APMAP: variants seen among roughly 807,000 people sequenced by gnomAD.
APMAP encodes adipocyte plasma membrane associated protein.
A neutral mutation model predicts 43.6 loss-of-function variants in APMAP; 33 were observed. That is an observed-to-expected ratio of 0.76 (90% CI 0.57 to 1.01). The LOEUF (loss-of-function observed/expected upper bound fraction) is 1.01. Ranked by LOEUF, APMAP falls within the 50% of genes least tolerant of loss-of-function variation. The pLI is 0.00. For missense variants in APMAP, 498 were observed against 540.7 expected (o/e 0.92, Z 0.78); for synonymous variants, 224 against 216.7 (o/e 1.03, Z -0.30).
chr20:24,975,551 T>C (rs999214945), intron 3 of APMAP, among the ~76,000 whole-genome samples: 1 of 152,330 alleles, frequency 6.6e-6, no homozygotes, highest in Non-Finnish European at 1.5e-5. Flanking sequence ...AGATATTCCA[T>C]GTTCATGGAC....
intron 2 of APMAP, among the ~76,000 whole-genome samples, chr20:24,981,977 A>G (rs189525083): frequency 9.4e-4 from 143 of 152,336 alleles, no homozygotes; most frequent in African/African-American, 3.2e-3. Flanking sequence ...ACGTTCTTGC[A>G]TGAGACACAC....
At chr20:24,966,988 G>A (rs1332670731) in intron 8 of APMAP, among the ~76,000 whole-genome samples, 8 of 151,994 alleles carry the variant, frequency 5.3e-5, no homozygotes, top group African/African-American at 1.2e-4. Context: ...ATACTGCCTC[G>A]AAATTAAAAA....
intron 7 of APMAP, 43 bp downstream of exon 7, chr20:24,969,483 C>A (rs1210782137): frequency 1.3e-6 from 2 of 1,559,896 alleles, no homozygotes; most frequent in South Asian, 2.3e-5. Context: ...GGCCATGATG[C>A]GCTCTGGCCA....
chr20:24,979,744 A>G (rs1010980206), intron 2 of APMAP, among the ~76,000 whole-genome samples: 2 of 151,968 alleles, frequency 1.3e-5, no homozygotes, highest in Non-Finnish European at 2.9e-5. Context: ...CCTCTCACCT[A>G]GAGCCAAGTC....
intron 2 of APMAP, 24 bp from the exon 3 acceptor site, chr20:24,978,906 G>T: frequency 6.4e-7 from 1 of 1,566,242 alleles, no homozygotes; most frequent in Non-Finnish European, 8.8e-7. Flanking sequence ...CAATTCCAGA[G>T]ATCTGTCTAT....
chr20:24,971,439 A>G, intron 5 of APMAP, 21 bp downstream of exon 5: 1 of 1,593,106 alleles, frequency 6.3e-7, no homozygotes, highest in Non-Finnish European at 8.6e-7. Context: ...TCATAGAAGG[A>G]AACGAGATAT....
In APMAP at chr20:24,969,563, CAA is replaced by C. The variant is rs1332383513; in HGVS notation, c.809_810del (p.Phe270CysfsTer25). 8.7e-6 allele frequency: 14 copies of C among 1,613,828 alleles called. No individual in the cohort carries two copies. The highest frequency in any genetic ancestry group is 1.2e-5 in the Non-Finnish European group (14 of 1,179,882). Reference protein sequence around the residue: ...NGVQLSPAEDFVLVAETTMAR... With the variant: ...NGVQLSPAEDXVLVAETTMAR... ...GCCATGGTTGTTTCTGCCACCAGGA[CAA>C]AGTCTTCTGCAGGAGACAGCTGGAC... On this transcript the variant is annotated frameshift_variant, in exon 7 of 9. Transcript: ENST00000217456. LOFTEE classifies it high-confidence loss of function.
chr20:24,981,294 G>A (rs2088102518), intron 2 of APMAP, among the ~76,000 whole-genome samples: 1 of 152,234 alleles, frequency 6.6e-6, no homozygotes, highest in African/African-American at 2.4e-5. Flanking sequence ...GTGACAACGT[G>A]GGGAGATGTG....
chr20:24,983,848 T>C, intron 2 of APMAP, 55 bp downstream of exon 2: 1 of 1,209,366 alleles, frequency 8.3e-7, no homozygotes, highest in Non-Finnish European at 1.2e-6. Context: ...GGAAATTATT[T>C]CAGCCTATTA....
chr20:24,969,638 T>C lies in APMAP; in HGVS notation c.736A>G (p.Thr246Ala), dbSNP rs2087981103. The C allele has an allele frequency of 6.2e-7, 1 of 1,613,746 alleles. No individual in the cohort carries two copies. The highest frequency in any genetic ancestry group is 1.3e-5 in the African/African-American group (1 of 74,920). Reference sequence around the variant, plus strand: ...TCCAATAAAACTTTTACTTCCCTGGTCACAGTATCATACTCCAGCAGGCTG... The same window carrying C: ...TCCAATAAAACTTTTACTTCCCTGGCCACAGTATCATACTCCAGCAGGCTG... The part of the protein sequence containing the change: ...DGRLLEYDTV[T>A]REVKVLLDQL... The change falls in exon 7 of 9, where the codon ACC (threonine) becomes GCC (alanine). Residue 246 changes from threonine (T) to alanine (A), a missense_variant. Transcript: ENST00000217456.
At chr20:24,973,866 T>A in intron 3 of APMAP, 129 bp from the exon 4 acceptor site, 2 of 744,248 alleles carry the variant, frequency 2.7e-6, no homozygotes, top group Non-Finnish European at 4.3e-6. Flanking sequence ...ATTCTCAAGA[T>A]GGAAGAGAAG....
At chr20:24,987,473 G>C (rs1282983939) in intron 1 of APMAP, among the ~76,000 whole-genome samples, 2 of 152,202 alleles carry the variant, frequency 1.3e-5, no homozygotes, top group African/African-American at 4.8e-5. Flanking sequence ...AAATGGGAGT[G>C]ATTACTTAAT....
intron 8 of APMAP, among the ~76,000 whole-genome samples, chr20:24,966,254 C>T (rs571918938): frequency 1.3e-5 from 2 of 152,334 alleles, no homozygotes; most frequent in Non-Finnish European, 2.9e-5. Context: ...GAAGGGGCTC[C>T]TCCTGGCCAC....
intron 3 of APMAP, 22 bp downstream of exon 3, chr20:24,978,745 C>CCCG: frequency 7.4e-7 from 1 of 1,343,146 alleles, no homozygotes; most frequent in Non-Finnish European, 1.0e-6. Flanking sequence ...AAGGCTCCCC[C>CCCG]CCCACCCAAG....
At chr20:24,991,698 C>T (rs2088193815) in intron 1 of APMAP, among the ~76,000 whole-genome samples, 1 of 152,120 alleles carries the variant, frequency 6.6e-6, no homozygotes, top group African/African-American at 2.4e-5. Context: ...TCAATCAGTC[C>T]CACAACTTCA....
intron 8 of APMAP, 52 bp from the exon 9 acceptor site, chr20:24,964,074 T>C: frequency 1.3e-6 from 2 of 1,578,894 alleles, no homozygotes; most frequent in Non-Finnish European, 1.7e-6. Context: ...AAGAACACTG[T>C]GCGCAGATCA....
In APMAP at chr20:24,992,587, G is replaced by A; in HGVS notation, c.95+7C>T. ...GCTCCAGCGCCCAGTCTGGGAGTCC[G>A]CCCTACCTGCCGTCCTTAGCCTCCG... is the stretch of plus-strand genomic sequence containing the variant. On this transcript the variant is annotated splice_region_variant and intron_variant, in intron 1 of 8. Coordinates refer to ENST00000217456, the MANE Select transcript of APMAP (RefSeq NM_020531.3). The A allele has an allele frequency of 6.5e-7, 1 of 1,533,064 alleles. No homozygotes were observed. Among genetic ancestry groups the A allele is most frequent in the African/African-American group, 1.4e-5 (1 of 71,652 alleles). 95.0% of individuals were successfully genotyped at this position (1,533,064 alleles called of 1,614,324 possible).
intron 1 of APMAP, among the ~76,000 whole-genome samples, chr20:24,984,938 A>C (rs534228591): frequency 6.6e-6 from 1 of 152,264 alleles, no homozygotes; most frequent in African/African-American, 2.4e-5. Flanking sequence ...CTAAGGTAGA[A>C]TTTTTTTCTT....
At chr20:24,965,915 T>C (rs1203894035) in intron 8 of APMAP, among the ~76,000 whole-genome samples, 1 of 152,180 alleles carries the variant, frequency 6.6e-6, no homozygotes, top group African/African-American at 2.4e-5. Context: ...GGTGTTGTCA[T>C]GGTTTTCAAT....
Sources: allele counts gnomAD v4.1 joint callset (sites outside exome capture counted in the v4.1 genomes callset), GRCh38; gene constraint gnomAD v4.1.1; transcripts MANE v1.5; gene names NCBI Gene and HGNC (gene_info 2026-07-23, HGNC 2026-07-21).